ST8SIA4: variants seen among roughly 807,000 people sequenced by gnomAD.
ST8SIA4 encodes ST8 alpha-N-acetyl-neuraminide alpha-2,8-sialyltransferase 4.
ST8SIA4 carries 15 observed loss-of-function variants against 33.9 expected under a neutral mutation model. The observed-to-expected ratio is 0.44, with a 90% confidence interval of 0.30 to 0.68. The LOEUF (loss-of-function observed/expected upper bound fraction) is 0.68. Ranked by LOEUF, ST8SIA4 falls within the 30% of genes least tolerant of loss-of-function variation. ST8SIA4 has a pLI of 0.10. For synonymous variants in ST8SIA4, 171 were observed against 151.2 expected (o/e 1.13, Z -0.96); for missense variants, 321 against 428.0 (o/e 0.75, Z 2.21).
chr5:100,852,304 T>C (rs925971636), intron 4 of ST8SIA4, among the ~76,000 whole-genome samples: 2 of 151,836 alleles, frequency 1.3e-5, no homozygotes, highest in Non-Finnish European at 2.9e-5. Flanking sequence ...GTATTTTTAG[T>C]AGAGGCGGGG....
chr5:100,841,587 G>T lies in ST8SIA4; in HGVS notation c.797+14516C>A, dbSNP rs138894423. 4.0e-5 allele frequency among the ~76,000 whole-genome samples: 6 copies of T among 151,894 alleles called. No homozygotes were observed. The East Asian group carries it at 7.7e-4, about 20-fold the overall frequency. On this transcript the variant is annotated intron_variant, in intron 4 of 4. Coordinates refer to ENST00000231461, the MANE Select transcript of ST8SIA4 (RefSeq NM_005668.6). ...TGCTTGGGCCCCCTCCCATCCTGTG[G>T]AGTGCACTTTCATTTTCAATAATTC...
intron 4 of ST8SIA4, among the ~76,000 whole-genome samples, chr5:100,840,031 T>C (rs1751440143): frequency 6.6e-6 from 1 of 151,596 alleles, no homozygotes; most frequent in African/African-American, 2.4e-5. Context: ...CTTTTAATAT[T>C]TTCAATTCAT....
chr5:100,875,184 T>G (rs559511495), intron 3 of ST8SIA4, among the ~76,000 whole-genome samples: 44 of 152,098 alleles, frequency 2.9e-4, no homozygotes, highest in African/African-American at 9.4e-4. Context: ...ACCACCAGGG[T>G]TTTAGTCAGT....
chr5:100,867,841 C>T (rs1052514288), intron 3 of ST8SIA4, among the ~76,000 whole-genome samples: 3 of 151,916 alleles, frequency 2.0e-5, no homozygotes, highest in African/African-American at 7.3e-5. Context: ...CATTCTAATA[C>T]CAATCAAGCA....
chr5:100,829,596 C>A (rs1284738579), intron 4 of ST8SIA4, among the ~76,000 whole-genome samples: 2 of 152,142 alleles, frequency 1.3e-5, no homozygotes, highest in South Asian at 4.1e-4. Context: ...AATTCTCGAA[C>A]ACATTCAGAT....
At position 100,809,316 on chromosome 5, in the gene ST8SIA4, G is replaced by C. The variant is rs10078251; in HGVS notation, c.*2531C>G. ...AAACACAAAATTAGCCGAGTGTGGT[G>C]GTGGGCGCCTGTAACCCCAGCTACT... On this transcript the variant is annotated 3_prime_UTR_variant, in exon 5 of 5. Coordinates refer to ENST00000231461, the MANE Select transcript of ST8SIA4 (RefSeq NM_005668.6). The C allele has an allele frequency of 6.6e-6, 1 of 151,342 alleles. No individual in the cohort carries two copies. Among genetic ancestry groups the C allele is most frequent in the African/African-American group, 2.4e-5 (1 of 41,176 alleles). 9.4% of individuals were successfully genotyped at this position (151,342 alleles called of 1,614,324 possible).
intron 4 of ST8SIA4, among the ~76,000 whole-genome samples, chr5:100,822,690 G>C (rs890115037): frequency 6.6e-6 from 1 of 152,176 alleles, no homozygotes; most frequent in African/African-American, 2.4e-5. Context: ...ATTTGAAACA[G>C]AGCAACTCCA....
At chr5:100,846,912 T>C (rs985840810) in intron 4 of ST8SIA4, among the ~76,000 whole-genome samples, 1 of 152,028 alleles carries the variant, frequency 6.6e-6, no homozygotes, top group Non-Finnish European at 1.5e-5. Flanking sequence ...CATTACACAA[T>C]GCAATATGAA....
At chr5:100,877,243 A>G (rs1056364883) in intron 3 of ST8SIA4, among the ~76,000 whole-genome samples, 4 of 152,170 alleles carry the variant, frequency 2.6e-5, no homozygotes, top group African/African-American at 9.6e-5. Flanking sequence ...CATCTCCAGG[A>G]TAATAAAAAA....
In ST8SIA4 at chr5:100,886,495, T is replaced by A. The variant is rs111610860; in HGVS notation, c.351A>T (p.Thr117=). The change falls in exon 3 of 5, where the codon ACA becomes ACT. Residue 117 remains threonine (T), a synonymous_variant. Coordinates refer to ENST00000231461, the MANE Select transcript of ST8SIA4 (RefSeq NM_005668.6). ...VIHYVLDRRR[T]LNISHDLHSL... ...TATGTAGATCATGAGAAATGTTTAG[T>A]GTCCGGCGCCTGTCAAGCACATAGT... 1.1e-5 allele frequency: 18 copies of A among 1,613,938 alleles called. No homozygotes were observed. The African/African-American group carries it at 2.0e-4, about 18-fold the overall frequency.
intron 3 of ST8SIA4, among the ~76,000 whole-genome samples, chr5:100,882,182 G>A (rs1309952091): frequency 3.3e-5 from 5 of 152,192 alleles, no homozygotes; most frequent in South Asian, 2.1e-4. Context: ...AAGCCTGATC[G>A]CAATATGGAT....
chr5:100,856,342 A>G lies in ST8SIA4; in HGVS notation c.558T>C (p.Asp186=), dbSNP rs961161846. ...CAACTGATGGATTCATGGTAATAAAATCTGATTTAGTTCCCACATCTGCAG... is the reference window on the plus strand; with the variant it reads ...CAACTGATGGATTCATGGTAATAAAGTCTGATTTAGTTCCCACATCTGCAG... ...EFAADVGTKS[D]FITMNPSVVQ... The change falls in exon 4 of 5, where the codon GAT becomes GAC. Residue 186 remains aspartate, a synonymous_variant. Transcript: ENST00000231461. 6.2e-7 allele frequency: 1 copy of G among 1,614,102 alleles called. No homozygotes were observed. Among genetic ancestry groups the G allele is most frequent in the Non-Finnish European group, 8.5e-7 (1 of 1,179,976 alleles).
intron 4 of ST8SIA4, among the ~76,000 whole-genome samples, chr5:100,851,654 A>G (rs1751700361): frequency 6.6e-6 from 1 of 152,034 alleles, no homozygotes; most frequent in South Asian, 2.1e-4. Flanking sequence ...ATTTTAAAAT[A>G]TGCTTCTCTA....
At chr5:100,899,851 A>G (rs1256556525) in intron 1 of ST8SIA4, among the ~76,000 whole-genome samples, 1 of 152,204 alleles carries the variant, frequency 6.6e-6, no homozygotes, top group Non-Finnish European at 1.5e-5. Context: ...AGAACACACC[A>G]CTTAATGCCT....
chr5:100,825,147 G>T (rs542317790), intron 4 of ST8SIA4, among the ~76,000 whole-genome samples: 1 of 152,052 alleles, frequency 6.6e-6, no homozygotes, highest in African/African-American at 2.4e-5. Flanking sequence ...TCCTAGAGTG[G>T]GATATAAGTA....
Position 100,807,933 on chromosome 5 carries a change from T to C in ST8SIA4, c.*3914A>G, listed in dbSNP as rs1561379401. On this transcript the variant is annotated 3_prime_UTR_variant, in exon 5 of 5. Transcript: ENST00000231461. ...AGGTGGGCTTTATTTGGATTTTCTTTCATCAAATACAAATAATAACCCTCA... is the reference window on the plus strand; with the variant it reads ...AGGTGGGCTTTATTTGGATTTTCTTCCATCAAATACAAATAATAACCCTCA... The C allele has an allele frequency of 6.6e-6, 1 of 152,588 alleles. No homozygotes were observed. 9.5% of individuals were successfully genotyped at this position (152,588 alleles called of 1,614,324 possible).
At chr5:100,814,509 C>T (rs1432204257) in intron 4 of ST8SIA4, among the ~76,000 whole-genome samples, 1 of 151,966 alleles carries the variant, frequency 6.6e-6, no homozygotes, top group African/African-American at 2.4e-5. Flanking sequence ...ATAAATGCCA[C>T]TTATCCTATT....
intron 1 of ST8SIA4, 32 bp downstream of exon 1, chr5:100,902,811 T>C: frequency 2.6e-6 from 4 of 1,553,306 alleles, no homozygotes; most frequent in Non-Finnish European, 2.7e-6. Flanking sequence ...CTTGACTTTT[T>C]GTCATATCCT....
At chr5:100,866,611 C>CAA (rs71620625) in intron 3 of ST8SIA4, among the ~76,000 whole-genome samples, 2 of 144,572 alleles carry the variant, frequency 1.4e-5, no homozygotes, top group African/African-American at 5.0e-5. Context: ...CACACACACA[C>CAA]AAATACATAT....
Sources: gnomAD v4.1 joint callset for allele counts (sites outside exome capture counted in the v4.1 genomes callset) on GRCh38, gnomAD v4.1.1 for gene constraint, MANE v1.5 for transcripts, NCBI Gene and HGNC (gene_info 2026-07-23, HGNC 2026-07-21) for gene names.